The following DPP6 variants were observed in gnomAD, a reference collection of about 807,000 sequenced individuals.
DPP6 encodes the protein A-type potassium channel modulatory protein DPP6.
DPP6 carries 69 observed loss-of-function variants against 122.6 expected under a neutral mutation model. That is an observed-to-expected ratio of 0.56 (90% confidence interval 0.46 to 0.69). The LOEUF is 0.69. DPP6 is among the 30% of genes least tolerant of loss of function. DPP6 has a pLI of 0.00. For synonymous variants in DPP6, 418 were observed against 433.1 expected, an observed-to-expected ratio of 0.97 and a Z score of 0.43; for missense variants, 928 against 1,116.9, an observed-to-expected ratio of 0.83 and a Z score of 2.41.
chr7:154,065,985 G>A (rs1173303211), intron 1 of DPP6, among the ~76,000 whole-genome samples: 1 of 151,324 alleles, frequency 6.6e-6, no homozygotes, highest in Non-Finnish European at 1.5e-5. Flanking sequence ...ATTCTTCTAA[G>A]CCTCACCTTC....
At chr7:154,889,780 A>C in intron 25 of DPP6, 2 of 548,888 alleles carry the variant, frequency 3.6e-6, no homozygotes, top group East Asian at 3.6e-5. Context: ...CCGTACTCCC[A>C]CCCCAGCCCT....
chr7:154,434,493 C>CCACT (rs1319400922), intron 1 of DPP6, among the ~76,000 whole-genome samples: 1 of 152,038 alleles, frequency 6.6e-6, no homozygotes, highest in Non-Finnish European at 1.5e-5. Context: ...GATCTGCTTC[C>CCACT]CACTCTCCTG....
chr7:153,936,735 T>C (rs887408769), intron 1 of DPP6, among the ~76,000 whole-genome samples: 2 of 151,406 alleles, frequency 1.3e-5, no homozygotes, highest in African/African-American at 2.4e-5. Context: ...GGCGTGAACC[T>C]GGGAGGTGGA....
At chr7:154,405,475 C>A (rs946009560) in intron 1 of DPP6, among the ~76,000 whole-genome samples, 1 of 151,930 alleles carries the variant, frequency 6.6e-6, no homozygotes, top group Non-Finnish European at 1.5e-5. Flanking sequence ...AGCTGCTTTC[C>A]CCCCCTTGTT....
intron 1 of DPP6, among the ~76,000 whole-genome samples, chr7:154,348,569 A>G (rs974532582): frequency 6.6e-6 from 1 of 152,212 alleles, no homozygotes; most frequent in Admixed American, 6.5e-5. Flanking sequence ...TTTTAGACTC[A>G]TGAAAGGTAG....
chr7:153,797,689 T>C, the DPP6 span, among the ~76,000 whole-genome samples: 4 of 152,100 alleles, frequency 2.6e-5, no homozygotes, highest in Admixed American at 6.6e-5. Context: ...GTCATTTTTT[T>C]CCCACAGTTC....
intron 1 of DPP6, among the ~76,000 whole-genome samples, chr7:154,325,923 G>A (rs889010734): frequency 5.9e-5 from 9 of 152,128 alleles, no homozygotes; most frequent in African/African-American, 2.2e-4. Context: ...TGCCATATAA[G>A]AGGCATGCAT....
At chr7:154,442,065 G>C (rs961345128) in intron 1 of DPP6, among the ~76,000 whole-genome samples, 1 of 152,122 alleles carries the variant, frequency 6.6e-6, no homozygotes, top group Non-Finnish European at 1.5e-5. Flanking sequence ...CCTCATTCAC[G>C]CAACTGGGCT....
At chr7:154,414,388 C>A (rs1816852611) in intron 1 of DPP6, among the ~76,000 whole-genome samples, 1 of 152,180 alleles carries the variant, frequency 6.6e-6, no homozygotes, top group African/African-American at 2.4e-5. Flanking sequence ...ATCGTACAGT[C>A]TTCCTTTACC....
intron 1 of DPP6, among the ~76,000 whole-genome samples, chr7:154,183,382 T>C (rs1798191439): frequency 6.6e-6 from 1 of 152,200 alleles, no homozygotes; most frequent in Admixed American, 6.5e-5. Context: ...AGAAGGTGCC[T>C]GGGTGAGTTG....
At chr7:154,339,246 G>C (rs1347032781) in intron 1 of DPP6, among the ~76,000 whole-genome samples, 1 of 152,204 alleles carries the variant, frequency 6.6e-6, no homozygotes, top group Non-Finnish European at 1.5e-5. Context: ...AAGTAATTCA[G>C]AGTTTACAAG....
At chr7:154,502,781 G>T (rs1178843955) in intron 3 of DPP6, among the ~76,000 whole-genome samples, 7 of 152,166 alleles carry the variant, frequency 4.6e-5, no homozygotes, top group African/African-American at 1.7e-4. Flanking sequence ...CTATTTTGTA[G>T]TTCGTAGGAA....
At chr7:154,305,125 G>A (rs1216094862) in intron 1 of DPP6, 5 of 539,892 alleles carry the variant, frequency 9.3e-6, no homozygotes, top group Admixed American at 6.3e-5. Context: ...CGTGGGCGCC[G>A]GGCCGGGAGG....
the DPP6 span, among the ~76,000 whole-genome samples, chr7:153,867,905 T>G: frequency 6.6e-6 from 1 of 152,240 alleles, no homozygotes; most frequent in African/African-American, 2.4e-5. Context: ...TCTATTGAGA[T>G]AATCATGTGG....
chr7:154,430,502 A>G (rs1020932930), intron 1 of DPP6, among the ~76,000 whole-genome samples: 1 of 152,180 alleles, frequency 6.6e-6, no homozygotes, highest in Non-Finnish European at 1.5e-5. Flanking sequence ...GAGTCTCCTT[A>G]GAAGGGCACT....
intron 16 of DPP6, among the ~76,000 whole-genome samples, chr7:154,847,923 T>C (rs1432982071): frequency 1.3e-5 from 2 of 152,258 alleles, no homozygotes; most frequent in Non-Finnish European, 2.9e-5. Flanking sequence ...TCATGTGACA[T>C]TTCTCTTCCT....
chr7:154,600,749 T>G (rs1323228372), intron 5 of DPP6, among the ~76,000 whole-genome samples: 1 of 121,804 alleles, frequency 8.2e-6, no homozygotes, highest in Non-Finnish European at 1.9e-5. Flanking sequence ...TGTCATAGTT[T>G]AATCATGAAC....
intron 1 of DPP6, among the ~76,000 whole-genome samples, chr7:153,964,913 C>CCT (rs1554420764): frequency 2.5e-4 from 28 of 113,396 alleles, no homozygotes; most frequent in Non-Finnish European, 3.5e-4. Context: ...CTTTTCTTTT[C>CCT]CTTTCTTTCT....
At chr7:154,810,878 A>G (rs1335288602) in intron 16 of DPP6, among the ~76,000 whole-genome samples, 1 of 152,220 alleles carries the variant, frequency 6.6e-6, no homozygotes, top group Non-Finnish European at 1.5e-5. Context: ...CTGGATCCCT[A>G]TAATAATCAA....
Sources: gnomAD v4.1 joint callset for allele counts (sites outside exome capture counted in the v4.1 genomes callset) on GRCh38, gnomAD v4.1.1 for gene constraint, MANE v1.5 for transcripts, NCBI Gene and HGNC (gene_info 2026-07-23, HGNC 2026-07-21) for gene names.